Variants in ENTHD1 observed in about 807,000 individuals in gnomAD.
ENTHD1 encodes ENTH domain containing 1, also known as ENTH domain-containing protein 1.
In ENTHD1, 23 loss-of-function variants were observed where a neutral mutation model predicts 39.1. The ratio of observed to expected loss-of-function variants is 0.59; its 90% CI spans 0.42 to 0.83. ENTHD1 has a LOEUF of 0.83. Among genes scored for constraint, ENTHD1 ranks in the 40% least tolerant of loss-of-function variants. The probability of loss-of-function intolerance (pLI) is 0.00; values close to 1 mark genes in which losing one functional copy is unlikely to be tolerated. For missense variants in ENTHD1, 624 were observed against 705.4 expected, an observed-to-expected ratio of 0.88 and a Z score of 1.31; for synonymous variants, 230 against 258.2, an observed-to-expected ratio of 0.89 and a Z score of 1.05.
At chr22:39,820,016 CTAAT>C (rs1168289578) in intron 5 of ENTHD1, among the ~76,000 whole-genome samples, 3 of 152,190 alleles carry the variant, frequency 2.0e-5, no homozygotes, top group Non-Finnish European at 4.4e-5. Flanking sequence ...CCACTTATAA[CTAAT>C]TATCCATGTG....
intron 5 of ENTHD1, among the ~76,000 whole-genome samples, chr22:39,810,857 A>C (rs1419530812): frequency 6.6e-6 from 1 of 152,202 alleles, no homozygotes; most frequent in African/African-American, 2.4e-5. Context: ...GTTAACTTTC[A>C]TGTGACAGGG....
intron 2 of ENTHD1, chr22:39,875,463 A>G: frequency 6.5e-7 from 1 of 1,536,528 alleles, no homozygotes; most frequent in Non-Finnish European, 8.7e-7. Context: ...CTGAGCGGCC[A>G]GGCCGTGCGC....
intron 1 of ENTHD1, 96 bp downstream of exon 1, chr22:39,893,599 T>TC (rs889711038): frequency 2.0e-5 from 3 of 152,210 alleles, no homozygotes; most frequent in African/African-American, 7.2e-5. Flanking sequence ...CCACCTGGAC[T>TC]CCGACGGTGC....
chr22:39,873,561 T>C (rs556908600), intron 2 of ENTHD1, among the ~76,000 whole-genome samples: 3 of 152,360 alleles, frequency 2.0e-5, no homozygotes, highest in East Asian at 3.9e-4. Context: ...AAATTGGATA[T>C]GTAACCTTAC....
intron 5 of ENTHD1, among the ~76,000 whole-genome samples, chr22:39,810,742 G>A (rs1187607614): frequency 6.6e-6 from 1 of 152,062 alleles, no homozygotes; most frequent in East Asian, 1.9e-4. Context: ...TCCAGTTGTG[G>A]GCTCTTTACT....
At chr22:39,891,685 C>T (rs1206091749) in intron 1 of ENTHD1, among the ~76,000 whole-genome samples, 2 of 151,180 alleles carry the variant, frequency 1.3e-5, no homozygotes, top group South Asian at 2.1e-4. Context: ...GTGGCACGAT[C>T]TTGGCTCATT....
At chr22:39,776,163 G>T (rs1315805107) in intron 5 of ENTHD1, among the ~76,000 whole-genome samples, 1 of 152,184 alleles carries the variant, frequency 6.6e-6, no homozygotes, top group Non-Finnish European at 1.5e-5. Flanking sequence ...AAAGCGCTGG[G>T]ATTACTGGCA....
chr22:39,753,203 C>CTG (rs1260329164), intron 6 of ENTHD1, among the ~76,000 whole-genome samples: 1 of 152,192 alleles, frequency 6.6e-6, no homozygotes, highest in Non-Finnish European at 1.5e-5. Context: ...AACAGTGTAG[C>CTG]TGAACATACT....
At chr22:39,798,464 A>G (rs2065568756) in intron 5 of ENTHD1, among the ~76,000 whole-genome samples, 1 of 152,090 alleles carries the variant, frequency 6.6e-6, no homozygotes, top group Non-Finnish European at 1.5e-5. Flanking sequence ...TTCTGGGTGC[A>G]TGCAGTAGTG....
chr22:39,790,141 G>A (rs781000929), intron 5 of ENTHD1, among the ~76,000 whole-genome samples: 20 of 152,188 alleles, frequency 1.3e-4, no homozygotes, highest in Non-Finnish European at 2.6e-4. Flanking sequence ...GATCAAAGAT[G>A]TCCTTGTGTG....
intron 5 of ENTHD1, among the ~76,000 whole-genome samples, chr22:39,771,790 A>C (rs1001178313): frequency 3.3e-5 from 5 of 152,214 alleles, no homozygotes; most frequent in African/African-American, 1.2e-4. Flanking sequence ...TAAGATAAAC[A>C]GAAACTAAGA....
Position 39,766,019 on chromosome 22 carries a change from C to CAAAAAAAAAAAAAAAAAAAAAA in ENTHD1, c.833-432_833-411dup, listed in dbSNP as rs11367784. On this transcript the variant is annotated intron_variant, in intron 5 of 6. Transcript: ENST00000325157. ...TCTATCCTTACAGAACCCTCAGCTA[C>CAAAAAAAAAAAAAAAAAAAAAA]AAAAAAAAAAAAAAAAAAAAAAAAA... Among the ~76,000 whole-genome samples, 72 of 48,358 alleles carry CAAAAAAAAAAAAAAAAAAAAAA rather than the reference C, an allele frequency of 1.5e-3. 2 individuals carry two copies. The highest frequency in any genetic ancestry group is 2.0e-3 in the Non-Finnish European group (54 of 26,928). 31.7% of individuals were successfully genotyped at this position (48,358 alleles called of 152,430 possible). A position where few individuals can be genotyped will look rare whatever the true frequency, so the allele number is the denominator to read the frequency against.
rs376473209 is a variant in ENTHD1 at position 39,748,041 on chromosome 22, G to A, written c.1220-3758C>T. Among the ~76,000 whole-genome samples the A allele has an allele frequency of 1.8e-3, 270 of 152,216 alleles. 1 individual carries two copies. The highest frequency in any genetic ancestry group is 6.1e-3 in the African/African-American group (252 of 41,526). On this transcript the variant is annotated intron_variant, in intron 6 of 6. Coordinates refer to ENST00000325157, the MANE Select transcript of ENTHD1 (RefSeq NM_152512.4). ...AGGTGGGAGGATAGCTTGGGCCCAGGAATTTGAGAACAGCCTGAGCAACAT... is the reference window on the plus strand; with the variant it reads ...AGGTGGGAGGATAGCTTGGGCCCAGAAATTTGAGAACAGCCTGAGCAACAT...
chr22:39,762,943 G>A (rs950644117), intron 6 of ENTHD1, among the ~76,000 whole-genome samples: 3 of 151,826 alleles, frequency 2.0e-5, no homozygotes, highest in African/African-American at 7.3e-5. Flanking sequence ...ATCCTAGTAT[G>A]CTTGGTAACT....
chr22:39,782,070 T>G (rs1445544008), intron 5 of ENTHD1, among the ~76,000 whole-genome samples: 1 of 152,158 alleles, frequency 6.6e-6, no homozygotes, highest in Non-Finnish European at 1.5e-5. Flanking sequence ...GAGGATCACT[T>G]GAGGCCAGGA....
chr22:39,772,329 G>A (rs913996433), intron 5 of ENTHD1, among the ~76,000 whole-genome samples: 1 of 152,132 alleles, frequency 6.6e-6, no homozygotes, highest in African/African-American at 2.4e-5. Context: ...CCTGCTGTGC[G>A]GCCCAGTTCC....
intron 3 of ENTHD1, among the ~76,000 whole-genome samples, chr22:39,848,717 T>C (rs532491407): frequency 6.6e-6 from 1 of 152,298 alleles, no homozygotes; most frequent in Admixed American, 6.5e-5. Context: ...TCATGGGGCT[T>C]ATCCTCAAAA....
At chr22:39,818,400 GA>G (rs1226056854) in intron 5 of ENTHD1, among the ~76,000 whole-genome samples, 1 of 152,114 alleles carries the variant, frequency 6.6e-6, no homozygotes, top group Non-Finnish European at 1.5e-5. Flanking sequence ...TCCTTGAGCA[GA>G]AAAAATGATT....
rs558077648 is a variant in ENTHD1 at position 39,781,643 on chromosome 22, G to A, written c.833-16034C>T. ...AAACCCAAACCCAAAATTAGTAGGAGGAAAAAATAATAAAGATCAGAGAGA... is the reference window on the plus strand; with the variant it reads ...AAACCCAAACCCAAAATTAGTAGGAAGAAAAAATAATAAAGATCAGAGAGA... On this transcript the variant is annotated intron_variant, in intron 5 of 6. Transcript: ENST00000325157. 4.9e-4 allele frequency among the ~76,000 whole-genome samples: 74 copies of A among 151,594 alleles called. 1 individual carries two copies. The highest frequency in any genetic ancestry group is 1.7e-3 in the African/African-American group (70 of 41,386).
Sources: allele counts gnomAD v4.1 joint callset (sites outside exome capture counted in the v4.1 genomes callset), GRCh38; gene constraint gnomAD v4.1.1; transcripts MANE v1.5; gene names NCBI Gene and HGNC (gene_info 2026-07-23, HGNC 2026-07-21).